Variants in FRY observed in about 807,000 individuals in gnomAD.
FRY encodes the protein FRY microtubule binding protein.
FRY carries 128 observed loss-of-function variants against 348.4 expected under a neutral mutation model. That is an observed-to-expected ratio of 0.37 (90% CI 0.32 to 0.43). The LOEUF is 0.43. FRY is among the 20% of genes least tolerant of loss of function. The pLI, the probability that FRY is intolerant of heterozygous loss-of-function variation, is 1.00. For missense variants in FRY, 2,736 were observed against 3,695.2 expected, an observed-to-expected ratio of 0.74 and a Z score of 6.73; for synonymous variants, 1,370 against 1,374.7, an observed-to-expected ratio of 1.00 and a Z score of 0.08.
At chr13:32,152,547 A>G (rs1178320978) in intron 14 of FRY, among the ~76,000 whole-genome samples, 6 of 152,196 alleles carry the variant, frequency 3.9e-5, no homozygotes, top group African/African-American at 7.2e-5. Context: ...AATGTTTCCA[A>G]TAAATGGTGC....
chr13:32,195,790 G>A (rs1883639692), intron 29 of FRY, among the ~76,000 whole-genome samples: 3 of 151,988 alleles, frequency 2.0e-5, no homozygotes, highest in African/African-American at 7.3e-5. Context: ...ACACTATCTT[G>A]GTTTCTTAGA....
chr13:32,170,880 A>T, intron 17 of FRY, 132 bp from the exon 18 acceptor site: 2 of 730,898 alleles, frequency 2.7e-6, no homozygotes. Context: ...TCATTTACTA[A>T]GCAAAAAATA....
Position 32,184,700 on chromosome 13 carries a change from A to G in FRY, c.3146+9A>G, listed in dbSNP as rs1882919786. ...GGTGTAATAAGTGACAGGTAGGATCAGAATTCTACCGAGTTGCTCTCTTCT... is the reference window on the plus strand; with the variant it reads ...GGTGTAATAAGTGACAGGTAGGATCGGAATTCTACCGAGTTGCTCTCTTCT... On this transcript the variant is annotated intron_variant, in intron 25 of 60. Coordinates refer to ENST00000542859, the MANE Select transcript of FRY (RefSeq NM_023037.3). 4.8e-6 allele frequency: 7 copies of G among 1,455,200 alleles called. No individual in the cohort carries two copies. The East Asian group carries it at 1.6e-4, about 33-fold the overall frequency. The allele number at this position is 1,455,200 out of a possible 1,614,324, so 90.1% of individuals were successfully genotyped here.
intron 4 of FRY, 130 bp from the exon 5 acceptor site, chr13:32,124,156 C>A: frequency 1.5e-6 from 1 of 682,740 alleles, no homozygotes; most frequent in Admixed American, 2.4e-5. Flanking sequence ...CATGTATCTA[C>A]CAGTGCAATT....
At chr13:32,062,109 A>G (rs554399335) in intron 1 of FRY, among the ~76,000 whole-genome samples, 1 of 152,184 alleles carries the variant, frequency 6.6e-6, no homozygotes, top group Non-Finnish European at 1.5e-5. Context: ...AGGAAAAAAA[A>G]ATCCTGTTAG....
At chr13:32,284,946 A>T (rs1368190113) in intron 58 of FRY, among the ~76,000 whole-genome samples, 1 of 152,210 alleles carries the variant, frequency 6.6e-6, no homozygotes, top group Non-Finnish European at 1.5e-5. Flanking sequence ...GAGTTCAATT[A>T]TTCTGGGCTT....
chr13:32,180,227 T>C (rs778249578), intron 23 of FRY, among the ~76,000 whole-genome samples: 1 of 152,148 alleles, frequency 6.6e-6, no homozygotes, highest in African/African-American at 2.4e-5. Context: ...TTGATCTTTC[T>C]ATTTTTTTTT....
At chr13:32,051,116 A>G (rs117542695) in intron 1 of FRY, among the ~76,000 whole-genome samples, 1,645 of 152,326 alleles carry the variant, frequency 0.011, 17 homozygotes, top group Middle Eastern at 0.024. Flanking sequence ...ATGTAGATAC[A>G]TACTTAATTA....
intron 51 of FRY, among the ~76,000 whole-genome samples, chr13:32,258,736 C>A (rs964360996): frequency 5.5e-5 from 8 of 146,584 alleles, no homozygotes. Context: ...GACTAGATAA[C>A]TTTTCATCCA....
intron 40 of FRY, among the ~76,000 whole-genome samples, chr13:32,228,935 A>G (rs1885762014): frequency 6.6e-6 from 1 of 152,224 alleles, no homozygotes; most frequent in East Asian, 1.9e-4. Context: ...AGATGGAGGC[A>G]GGAGATGGTA....
rs1432427113 is a variant in FRY at position 32,057,680 on chromosome 13, C to T, written c.71-21154C>T. Among the ~76,000 whole-genome samples, 3 of 152,136 alleles carry T rather than the reference C, an allele frequency of 2.0e-5. No homozygotes were observed. The East Asian group carries it at 5.8e-4, about 29-fold the overall frequency. On this transcript the variant is annotated intron_variant, in intron 1 of 60. Transcript: ENST00000542859. ...TGCACTTAAAAATATTCGCAGTCAG[C>T]CGGGCATGGTGGCTCACACCTGTAA...
At chr13:32,071,261 A>G (rs937387096) in intron 1 of FRY, among the ~76,000 whole-genome samples, 9 of 152,150 alleles carry the variant, frequency 5.9e-5, no homozygotes, top group South Asian at 4.1e-4. Context: ...ACTCATTGGT[A>G]GCTTGATGGG....
At chr13:32,128,855 T>G (rs1241268184) in intron 7 of FRY, among the ~76,000 whole-genome samples, 1 of 152,254 alleles carries the variant, frequency 6.6e-6, no homozygotes, top group Non-Finnish European at 1.5e-5. Flanking sequence ...AAATTATTAT[T>G]CATCCCTGGA....
At chr13:32,178,535 T>G (rs952675420) in intron 21 of FRY, 99 bp downstream of exon 21, 2 of 1,301,588 alleles carry the variant, frequency 1.5e-6, no homozygotes, top group Non-Finnish European at 2.2e-6. Context: ...CATCCCAATT[T>G]CTGAACTTCC....
chr13:32,088,533 A>G (rs186850445), intron 2 of FRY, among the ~76,000 whole-genome samples: 1 of 152,348 alleles, frequency 6.6e-6, no homozygotes, highest in Admixed American at 6.5e-5. Context: ...CTGCTGAATG[A>G]GGTGATCTTT....
chr13:32,200,304 T>TC (rs1883937086), intron 29 of FRY, among the ~76,000 whole-genome samples: 1 of 152,208 alleles, frequency 6.6e-6, no homozygotes, highest in South Asian at 2.1e-4. Flanking sequence ...TTATGTAGAA[T>TC]CAAAAAAAAG....
rs143767998 is a variant in FRY at position 32,191,652 on chromosome 13, A to G, written c.3592-2491A>G. On this transcript the variant is annotated intron_variant, in intron 28 of 60. Transcript: ENST00000542859. ...ACAGTTTTGGAGGCCAAGAATTCCA[A>G]GGTTAAGGTGCTGGCAGATTTATGT... Among the ~76,000 whole-genome samples the G allele has an allele frequency of 2.4e-3, 368 of 152,298 alleles. 1 individual carries two copies. The highest frequency in any genetic ancestry group is 8.7e-3 in the African/African-American group (361 of 41,558).
intron 14 of FRY, among the ~76,000 whole-genome samples, chr13:32,150,491 G>C (rs1880725991): frequency 6.6e-6 from 1 of 152,190 alleles, no homozygotes; most frequent in Admixed American, 6.5e-5. Context: ...AGCCAAATTT[G>C]CCACTTGCCA....
chr13:32,184,889 G>C (rs1237203778), intron 25 of FRY, 87 bp from the exon 26 acceptor site: 1 of 1,201,296 alleles, frequency 8.3e-7, no homozygotes, highest in Non-Finnish European at 1.2e-6. Context: ...TGTGTGAGTT[G>C]TGACAGTGAA....
Sources: gnomAD v4.1 joint callset for allele counts (sites outside exome capture counted in the v4.1 genomes callset) on GRCh38, gnomAD v4.1.1 for gene constraint, MANE v1.5 for transcripts, NCBI Gene and HGNC (gene_info 2026-07-23, HGNC 2026-07-21) for gene names.